Variants in IQCJ observed in about 807,000 individuals in gnomAD.
IQCJ encodes the protein IQ domain-containing protein J.
IQCJ carries 9 observed loss-of-function variants against 11.0 expected under a neutral mutation model. That is an observed-to-expected ratio of 0.82 (90% CI 0.49 to 1.43). IQCJ has a LOEUF of 1.43. IQCJ is among the 40% of genes most tolerant of loss of function. IQCJ has a pLI of 0.00. For synonymous variants in IQCJ, 55 were observed against 51.3 expected, an observed-to-expected ratio of 1.07 and a Z score of -0.31; for missense variants, 146 against 133.2, an observed-to-expected ratio of 1.10 and a Z score of -0.47.
At chr3:159,216,742 TA>T (rs1235456006) in intron 1 of IQCJ, among the ~76,000 whole-genome samples, 1 of 152,180 alleles carries the variant, frequency 6.6e-6, no homozygotes, top group East Asian at 1.9e-4. Context: ...CATTTCCCAT[TA>T]ATGGTGTGTT....
At chr3:159,189,603 G>C (rs771160968) in intron 1 of IQCJ, among the ~76,000 whole-genome samples, 2 of 152,160 alleles carry the variant, frequency 1.3e-5, no homozygotes, top group Non-Finnish European at 2.9e-5. Context: ...TGCTGCCCTA[G>C]GGTCGTTTTA....
intron 1 of IQCJ, among the ~76,000 whole-genome samples, chr3:159,228,281 A>T (rs1377352076): frequency 6.6e-6 from 1 of 152,208 alleles, no homozygotes; most frequent in Non-Finnish European, 1.5e-5. Flanking sequence ...TTTCTTTCTG[A>T]ACATGCTGCT....
At chr3:159,244,211 G>C (rs1367856740) in intron 1 of IQCJ, among the ~76,000 whole-genome samples, 1 of 152,162 alleles carries the variant, frequency 6.6e-6, no homozygotes, top group Non-Finnish European at 1.5e-5. Flanking sequence ...GAAGAGATCA[G>C]ATACAAATGT....
At chr3:159,088,072 C>T (rs1716933258) in intron 1 of IQCJ, among the ~76,000 whole-genome samples, 1 of 152,050 alleles carries the variant, frequency 6.6e-6, no homozygotes, top group African/African-American at 2.4e-5. Context: ...ATAAATTTCC[C>T]TCTACACACT....
intron 1 of IQCJ, among the ~76,000 whole-genome samples, chr3:159,228,421 A>G (rs948614022): frequency 6.6e-6 from 1 of 152,242 alleles, no homozygotes; most frequent in African/African-American, 2.4e-5. Flanking sequence ...TATGAAATGT[A>G]ATGGTGCACT....
rs61795169 is a variant in IQCJ at position 159,242,454 on chromosome 3, T to A, written c.10-3389T>A. ...GGTCTTTCTATTTTATTATCTTTAATGTGTGGTTTTCCTCCTTATAGGCAC... is the reference window on the plus strand; with the variant it reads ...GGTCTTTCTATTTTATTATCTTTAAAGTGTGGTTTTCCTCCTTATAGGCAC... On this transcript the variant is annotated intron_variant, in intron 1 of 3. Transcript: ENST00000397832. Among the ~76,000 whole-genome samples the A allele has an allele frequency of 9.6e-3, 1,465 of 152,298 alleles. 14 individuals are homozygous for A. The highest frequency in any genetic ancestry group is 0.014 in the African/African-American group (573 of 41,562).
intron 1 of IQCJ, among the ~76,000 whole-genome samples, chr3:159,142,321 G>A (rs1317822427): frequency 2.6e-5 from 4 of 152,160 alleles, no homozygotes; most frequent in Non-Finnish European, 4.4e-5. Context: ...ATAAGATCTT[G>A]TGTTCTTCAT....
intron 1 of IQCJ, among the ~76,000 whole-genome samples, chr3:159,082,028 GGTCA>G (rs1258398988): frequency 1.3e-5 from 2 of 152,044 alleles, no homozygotes; most frequent in African/African-American, 4.8e-5. Context: ...CAAGGGGAAA[GGTCA>G]GTTATTTTTT....
intron 1 of IQCJ, among the ~76,000 whole-genome samples, chr3:159,115,711 C>CA (rs1346455035): frequency 1.3e-5 from 2 of 152,134 alleles, no homozygotes; most frequent in Non-Finnish European, 2.9e-5. Context: ...GGGGATCCTA[C>CA]AAGAGGTAAT....
intron 1 of IQCJ, among the ~76,000 whole-genome samples, chr3:159,083,939 G>A (rs188653928): frequency 8.0e-4 from 122 of 152,186 alleles, no homozygotes; most frequent in African/African-American, 2.8e-3. Flanking sequence ...GGCCGTAAAA[G>A]GGTAAAAGGA....
intron 1 of IQCJ, among the ~76,000 whole-genome samples, chr3:159,115,718 T>C (rs1008122748): frequency 6.6e-6 from 1 of 152,228 alleles, no homozygotes; most frequent in Non-Finnish European, 1.5e-5. Context: ...CTACAAGAGG[T>C]AATTTTAGTC....
chr3:159,174,511 G>A (rs1722667402), intron 1 of IQCJ, among the ~76,000 whole-genome samples: 1 of 151,946 alleles, frequency 6.6e-6, no homozygotes, highest in South Asian at 2.1e-4. Context: ...ATCATTTTTA[G>A]AGAAGTGGAT....
At chr3:159,235,730 C>A (rs188777597) in intron 1 of IQCJ, among the ~76,000 whole-genome samples, 93 of 152,264 alleles carry the variant, frequency 6.1e-4, no homozygotes, top group Non-Finnish European at 3.2e-4. Context: ...TGCTATGTTT[C>A]GACTTAGATC....
At chr3:159,196,663 T>G (rs1419203158) in intron 1 of IQCJ, among the ~76,000 whole-genome samples, 1 of 152,232 alleles carries the variant, frequency 6.6e-6, no homozygotes, top group Non-Finnish European at 1.5e-5. Context: ...TGTCTACAAC[T>G]GTAATGGCTC....
At chr3:159,095,092 A>G (rs541836405) in intron 1 of IQCJ, among the ~76,000 whole-genome samples, 5 of 151,796 alleles carry the variant, frequency 3.3e-5, no homozygotes, top group African/African-American at 4.9e-5. Context: ...CTCTTTTTCT[A>G]TAGTTATTAT....
chr3:159,251,216 GA>G (rs1037630445), intron 2 of IQCJ, among the ~76,000 whole-genome samples: 1 of 151,788 alleles, frequency 6.6e-6, no homozygotes, highest in South Asian at 2.1e-4. Flanking sequence ...TTTCTAAAAA[GA>G]AAAAAATACA....
chr3:159,076,337 C>G (rs147888801), intron 1 of IQCJ, among the ~76,000 whole-genome samples: 185 of 152,178 alleles, frequency 1.2e-3, no homozygotes, highest in African/African-American at 4.4e-3. Context: ...CTATATGCTA[C>G]TCTATGACCA....
intron 1 of IQCJ, among the ~76,000 whole-genome samples, chr3:159,236,849 T>TA (rs1726623555): frequency 1.3e-5 from 2 of 152,298 alleles, no homozygotes; most frequent in South Asian, 4.1e-4. Context: ...ACACTTCCAT[T>TA]AAAAAACGGA....
Position 159,069,866 on chromosome 3 carries a change from T to A in IQCJ, c.9+425T>A, listed in dbSNP as rs942112913. On this transcript the variant is annotated intron_variant, in intron 1 of 3. Coordinates refer to ENST00000397832, the MANE Select transcript of IQCJ (RefSeq NM_001042706.3). Reference sequence around the variant, plus strand: ...TCTTGTGTGTGTGTGTGTGTGTGTGTGTGTGTGTGTGTGTGTGTGTGCGTG... The same window carrying A: ...TCTTGTGTGTGTGTGTGTGTGTGTGAGTGTGTGTGTGTGTGTGTGTGCGTG... 2.5e-5 allele frequency: 9 copies of A among 357,972 alleles called. 1 individual carries two copies. The highest frequency in any genetic ancestry group is 1.9e-4 in the Admixed American group (6 of 31,250). The allele number at this position is 357,972 out of a possible 1,614,324, so 22.2% of individuals were successfully genotyped here. A position where few individuals can be genotyped will look rare whatever the true frequency, so the allele number is the denominator to read the frequency against.
Sources: allele counts gnomAD v4.1 joint callset (sites outside exome capture counted in the v4.1 genomes callset), GRCh38; gene constraint gnomAD v4.1.1; transcripts MANE v1.5; gene names NCBI Gene and HGNC (gene_info 2026-07-23, HGNC 2026-07-21).